The following METTL6 variants were observed in gnomAD, a reference collection of about 807,000 sequenced individuals.
METTL6 encodes methyltransferase 6, tRNA N3-cytidine.
Under a neutral mutation model 26.4 loss-of-function variants are expected in METTL6, and 22 were observed. The ratio of observed to expected loss-of-function variants is 0.83; its 90% CI spans 0.59 to 1.19. METTL6 has a LOEUF of 1.19. Ranked by LOEUF, METTL6 falls within the 50% of genes most tolerant of loss-of-function variation. The pLI is 0.00. For synonymous variants in METTL6, 109 were observed against 116.2 expected (o/e 0.94, Z 0.40); for missense variants, 304 against 324.8 (o/e 0.94, Z 0.49).
rs980063494 is a variant in METTL6, at chr3:15,427,382, C to G, written c.-125+20G>C. 7.3e-6 allele frequency: 2 copies of G among 275,710 alleles called. No individual in the cohort carries two copies. Among genetic ancestry groups the G allele is most frequent in the Non-Finnish European group, 1.4e-5 (2 of 140,450 alleles). 17.1% of individuals were successfully genotyped at this position (275,710 alleles called of 1,614,324 possible). On this transcript the variant is annotated intron_variant, in intron 1 of 5. Coordinates refer to ENST00000383790, the MANE Select transcript of METTL6 (RefSeq NM_152396.4). ...TCAGTTCCTAAATTCACCTGCAGGG[C>G]TAGGGCCAGGCGCACTCACCCCACA...
At chr3:15,413,907 A>T in intron 5 of METTL6, 114 bp downstream of exon 5, 1 of 1,562,432 alleles carries the variant, frequency 6.4e-7, no homozygotes, top group Non-Finnish European at 8.6e-7. Flanking sequence ...GGCTTGTTTC[A>T]GGGTCTCGTG....
intron 6 of METTL6, among the ~76,000 whole-genome samples, chr3:15,385,726 C>T (rs1699175986): frequency 6.6e-6 from 1 of 152,170 alleles, no homozygotes; most frequent in Non-Finnish European, 1.5e-5. Context: ...AAAAAATCCA[C>T]TTGTAAGTGC....
At chr3:15,394,528 G>T (rs1699435061) in intron 6 of METTL6, among the ~76,000 whole-genome samples, 1 of 152,012 alleles carries the variant, frequency 6.6e-6, no homozygotes, top group Non-Finnish European at 1.5e-5. Flanking sequence ...GTTATTTCTT[G>T]TCTTCTGCTA....
intron 6 of METTL6, among the ~76,000 whole-genome samples, chr3:15,398,649 A>C (rs538654456): frequency 1.3e-5 from 2 of 151,980 alleles, no homozygotes; most frequent in Non-Finnish European, 2.9e-5. Context: ...GAAGTTGCAG[A>C]CCAGCCTGGG....
chr3:15,399,124 T>C (rs1439857543), intron 6 of METTL6, among the ~76,000 whole-genome samples: 2 of 152,042 alleles, frequency 1.3e-5, no homozygotes, highest in African/African-American at 4.8e-5. Flanking sequence ...GCCATGGCAA[T>C]GTTAGGAAGT....
chr3:15,426,617 C>A lies in METTL6; in HGVS notation c.-106G>T. 1 of 1,012,956 alleles carries A rather than the reference C, an allele frequency of 9.9e-7. No individual in the cohort carries two copies. The highest frequency in any genetic ancestry group is 1.5e-6 in the Non-Finnish European group (1 of 676,746). The allele number at this position is 1,012,956 out of a possible 1,614,324, so 62.7% of individuals were successfully genotyped here. A position where few individuals can be genotyped will look rare whatever the true frequency, so the allele number is the denominator to read the frequency against. On this transcript the variant is annotated 5_prime_UTR_variant, in exon 2 of 6. Coordinates refer to ENST00000383790, the MANE Select transcript of METTL6 (RefSeq NM_152396.4). ...TACATTTCCTGAGGTGAGTTTCACG[C>A]CTCAAACAGCACAGGGGGCTTCGCA...
In METTL6 at chr3:15,393,304, T is replaced by C. The variant is rs1240091988; in HGVS notation, c.*12-9117A>G. Among the ~76,000 whole-genome samples, 5 of 152,300 alleles carry C rather than the reference T, an allele frequency of 3.3e-5. No individual in the cohort carries two copies. In the East Asian group the frequency reaches 9.6e-4, roughly 29 times the overall value. On this transcript the variant is annotated intron_variant, in intron 6 of 6. Coordinates refer to the METTL6 transcript ENST00000443029. ...ATGATTTGGCTCTCTGTTTGTCTGT[T>C]ATTGGTGTATAAGAATGCTTGTGAT...
Position 15,415,408 on chromosome 3 carries a change from T to C in METTL6, c.531+364A>G. The C allele has an allele frequency of 2.3e-6, 3 of 1,282,046 alleles. 1 individual carries two copies. In the South Asian group the frequency reaches 3.9e-5, roughly 17 times the overall value. 79.4% of individuals were successfully genotyped at this position (1,282,046 alleles called of 1,614,324 possible). A position where few individuals can be genotyped will look rare whatever the true frequency, so the allele number is the denominator to read the frequency against. On this transcript the variant is annotated intron_variant, in intron 4 of 5. Transcript: ENST00000383790. ...CTGACCTCAAGTGATTCACCTGCCT[T>C]GGCATCCCAAAGTGTTGGGATTACA...
intron 6 of METTL6, among the ~76,000 whole-genome samples, chr3:15,385,294 T>G (rs559848067): frequency 2.6e-5 from 4 of 152,262 alleles, no homozygotes; most frequent in African/African-American, 9.6e-5. Flanking sequence ...CCCTTCTTTT[T>G]TCCTTTAAAA....
At chr3:15,382,809 G>A (rs142758745) in exon 7 of METTL6, 1 of 151,578 alleles carries the variant, frequency 6.6e-6, no homozygotes, top group Admixed American at 6.6e-5. Flanking sequence ...TTAGAAACAA[G>A]GACATTCTAT....
At chr3:15,383,953 C>T (rs1699128628) in exon 7 of METTL6, 1 of 242,578 alleles carries the variant, frequency 4.1e-6, no homozygotes, top group Non-Finnish European at 8.2e-6. Context: ...AAGTTAGAAC[C>T]CTAAATCTCT....
chr3:15,389,558 T>G (rs1464805043), intron 6 of METTL6, among the ~76,000 whole-genome samples: 1 of 152,196 alleles, frequency 6.6e-6, no homozygotes, highest in Non-Finnish European at 1.5e-5. Flanking sequence ...AATTTTAATT[T>G]TTTTTTTTGA....
chr3:15,391,295 T>G (rs902256001), intron 6 of METTL6, among the ~76,000 whole-genome samples: 5 of 152,240 alleles, frequency 3.3e-5, no homozygotes, highest in African/African-American at 1.2e-4. Context: ...CACTTAGAGC[T>G]GAGGTTCCAG....
chr3:15,384,119 T>A, exon 7 of METTL6: 1 of 406,522 alleles, frequency 2.5e-6, no homozygotes, highest in Non-Finnish European at 4.8e-6. Flanking sequence ...TTTTCTGTGG[T>A]TCATATAATA....
chr3:15,405,680 T>C (rs1464323306), downstream of METTL6, among the ~76,000 whole-genome samples: 2 of 152,236 alleles, frequency 1.3e-5, no homozygotes, highest in Non-Finnish European at 1.5e-5. Flanking sequence ...TTAAACCTTC[T>C]TGAAAAAGAC....
intron 3 of METTL6, among the ~76,000 whole-genome samples, chr3:15,419,817 A>C (rs1168482939): frequency 6.6e-6 from 1 of 152,122 alleles, no homozygotes; most frequent in Non-Finnish European, 1.5e-5. Context: ...AAGAGCAAAA[A>C]AATAGAAACA....
intron 6 of METTL6, among the ~76,000 whole-genome samples, chr3:15,390,881 C>T (rs962216160): frequency 2.1e-5 from 3 of 145,194 alleles, no homozygotes; most frequent in African/African-American, 5.5e-5. Flanking sequence ...TGGCTCTCAG[C>T]GGCTCTCAGC....
intron 3 of METTL6, among the ~76,000 whole-genome samples, chr3:15,420,700 TAA>T (rs1012982345): frequency 1.3e-4 from 20 of 152,298 alleles, no homozygotes; most frequent in Admixed American, 9.8e-4. Context: ...TTCTAGATGT[TAA>T]AGAGGTTGAC....
chr3:15,384,225 A>G (rs1575378430), intron 6 of METTL6: 2 of 337,764 alleles, frequency 5.9e-6, no homozygotes, highest in East Asian at 1.1e-4. Context: ...AGAAAACAAA[A>G]TAAGTAAAAA....
Sources: gnomAD v4.1 joint callset for allele counts (sites outside exome capture counted in the v4.1 genomes callset) on GRCh38, gnomAD v4.1.1 for gene constraint, MANE v1.5 for transcripts, NCBI Gene and HGNC (gene_info 2026-07-23, HGNC 2026-07-21) for gene names.